Variants in SLC6A6 observed in about 807,000 individuals in gnomAD.
SLC6A6 encodes the protein sodium- and chloride-dependent taurine transporter.
In SLC6A6, 16 loss-of-function variants were observed where a neutral mutation model predicts 68.8. That is an observed-to-expected ratio of 0.23 (90% confidence interval 0.16 to 0.35). The LOEUF is 0.35. Among genes scored for constraint, SLC6A6 ranks in the 10% least tolerant of loss-of-function variants. SLC6A6 has a pLI of 1.00. For missense variants in SLC6A6, 474 were observed against 802.8 expected (o/e 0.59, Z 4.95); for synonymous variants, 312 against 315.4 (o/e 0.99, Z 0.12).
At chr3:14,403,680 A>G (rs1699040057) in intron 1 of SLC6A6, among the ~76,000 whole-genome samples, 1 of 152,236 alleles carries the variant, frequency 6.6e-6, no homozygotes, top group South Asian at 2.1e-4. Context: ...GGTAGTGGAC[A>G]GCCGGCAGGG....
intron 6 of SLC6A6, among the ~76,000 whole-genome samples, chr3:14,459,989 C>T (rs1213408768): frequency 2.0e-5 from 3 of 151,080 alleles, no homozygotes; most frequent in Non-Finnish European, 4.4e-5. Context: ...GGGCTCAAGC[C>T]ATCCTCAAAC....
intron 5 of SLC6A6, among the ~76,000 whole-genome samples, chr3:14,449,907 A>G (rs1418061417): frequency 6.6e-6 from 1 of 151,912 alleles, no homozygotes; most frequent in African/African-American, 2.4e-5. Context: ...ACACACCACT[A>G]TGTCCAGCTA....
Position 14,406,710 on chromosome 3 carries a change from G to A in SLC6A6, c.-54+3863G>A, listed in dbSNP as rs756296255. 3.4e-4 allele frequency among the ~76,000 whole-genome samples: 52 copies of A among 152,296 alleles called. 1 individual carries two copies. Among genetic ancestry groups the A allele is most frequent in the Admixed American group, 9.2e-4 (14 of 15,300 alleles). Reference sequence around the variant, plus strand: ...TCAGAGGCTTCATTTGGAAACCTGGGCAGAGGCTGATGCCAAGGGTGGGAG... The same window carrying A: ...TCAGAGGCTTCATTTGGAAACCTGGACAGAGGCTGATGCCAAGGGTGGGAG... On this transcript the variant is annotated intron_variant, in intron 1 of 14. Coordinates refer to ENST00000622186, the MANE Select transcript of SLC6A6 (RefSeq NM_003043.6).
At position 14,472,138 on chromosome 3, in the gene SLC6A6, G is replaced by A; in HGVS notation, c.1097-67G>A. The A allele has an allele frequency of 1.1e-6, 1 of 949,350 alleles. No individual in the cohort carries two copies. The highest frequency in any genetic ancestry group is 1.7e-6 in the Non-Finnish European group (1 of 581,860). 58.8% of individuals were successfully genotyped at this position (949,350 alleles called of 1,614,324 possible). Reference sequence around the variant, plus strand: ...TCTGAGTGTCTTTGTGTGAGCCCAGGGTTCCCAGTGGCTTGGTGGCTGATG... The same window carrying A: ...TCTGAGTGTCTTTGTGTGAGCCCAGAGTTCCCAGTGGCTTGGTGGCTGATG... On this transcript the variant is annotated intron_variant, in intron 9 of 14. Coordinates refer to ENST00000622186, the MANE Select transcript of SLC6A6 (RefSeq NM_003043.6). This position sits in a 1 kb window ranked among gnomAD's most constrained non-coding sequence, Gnocchi z 4.5.
chr3:14,420,136 A>G (rs1045036554), intron 2 of SLC6A6, among the ~76,000 whole-genome samples: 1 of 152,224 alleles, frequency 6.6e-6, no homozygotes, highest in African/African-American at 2.4e-5. Flanking sequence ...CTGGTTATAA[A>G]AGTCATACAT....
intron 6 of SLC6A6, among the ~76,000 whole-genome samples, chr3:14,459,530 G>A (rs1376083127): frequency 6.6e-6 from 1 of 152,100 alleles, no homozygotes; most frequent in Non-Finnish European, 1.5e-5. Context: ...GAAGCCAAGG[G>A]TGGAAGGGAA....
At chr3:14,431,229 T>C (rs975227953) in intron 2 of SLC6A6, among the ~76,000 whole-genome samples, 3 of 152,070 alleles carry the variant, frequency 2.0e-5, no homozygotes, top group African/African-American at 7.2e-5. Context: ...GCATCTGTCA[T>C]TGCAGTTTGC....
At chr3:14,470,142 A>G (rs2124984582) in intron 9 of SLC6A6, among the ~76,000 whole-genome samples, 1 of 152,328 alleles carries the variant, frequency 6.6e-6, no homozygotes, top group East Asian at 1.9e-4. Flanking sequence ...TGGGAGATAC[A>G]GATAGATACA....
intron 6 of SLC6A6, 107 bp downstream of exon 6, chr3:14,458,189 C>T: frequency 9.6e-6 from 10 of 1,039,612 alleles, no homozygotes; most frequent in Non-Finnish European, 1.5e-5. Context: ...GGGAGGTGGC[C>T]AGTGGTGGCG....
intron 2 of SLC6A6, among the ~76,000 whole-genome samples, chr3:14,430,896 CT>C (rs930947882): frequency 2.2e-4 from 33 of 152,184 alleles, no homozygotes; most frequent in African/African-American, 7.7e-4. Flanking sequence ...CACTGATCTG[CT>C]ATGTGGCCTG....
At chr3:14,462,301 G>A (rs552978257) in intron 6 of SLC6A6, among the ~76,000 whole-genome samples, 8 of 152,310 alleles carry the variant, frequency 5.3e-5, no homozygotes, top group African/African-American at 1.9e-4. Flanking sequence ...TGAGCTTAGA[G>A]GTTTATTTTG....
At chr3:14,478,686 C>A in intron 12 of SLC6A6, 118 bp downstream of exon 12, 1 of 723,878 alleles carries the variant, frequency 1.4e-6, no homozygotes. Flanking sequence ...AGTAGGCCCT[C>A]CCTACCTAGA....
In SLC6A6 at chr3:14,466,533, C is replaced by G; in HGVS notation, c.750C>G (p.Ala250=). The stretch of plus-strand genomic sequence containing the variant: ...CCTTGCAGGTCGTCTACTTCACAGC[C>G]ACTTTTCCATTCGCCATGCTCCTGG... ...RSTGKVVYFT[A]TFPFAMLLVL... is the part of the protein sequence containing the mutation. Residue 250 remains alanine, a synonymous_variant, in exon 7 of 15, where the codon GCC becomes GCG. Transcript: ENST00000622186. 6.2e-7 allele frequency: 1 copy of G among 1,612,248 alleles called. No homozygotes were observed. Among genetic ancestry groups the G allele is most frequent in the South Asian group, 1.1e-5 (1 of 90,970 alleles).
Position 14,485,051 on chromosome 3 carries a change from TA to T in SLC6A6, c.*46del. Reference sequence around the variant, plus strand: ...GGCCGGCGGCTTTCCTGCTGTTTACTAACATTAGATTCTCATAGGACCAGGT... The same window carrying T: ...GGCCGGCGGCTTTCCTGCTGTTTACTACATTAGATTCTCATAGGACCAGGT... On this transcript the variant is annotated 3_prime_UTR_variant, in exon 15 of 15. Coordinates refer to ENST00000622186, the MANE Select transcript of SLC6A6 (RefSeq NM_003043.6). 1 of 1,542,034 alleles carries T rather than the reference TA, an allele frequency of 6.5e-7. No homozygotes were observed. The highest frequency in any genetic ancestry group is 8.9e-7 in the Non-Finnish European group (1 of 1,129,058).
chr3:14,461,179 A>G (rs957050846), intron 6 of SLC6A6, among the ~76,000 whole-genome samples: 2 of 152,388 alleles, frequency 1.3e-5, no homozygotes, highest in African/African-American at 4.8e-5. Flanking sequence ...GCGAAAGCGC[A>G]GTAGCCTGTG....
intron 6 of SLC6A6, among the ~76,000 whole-genome samples, chr3:14,460,004 C>T (rs2124970112): frequency 6.6e-6 from 1 of 151,656 alleles, no homozygotes; most frequent in South Asian, 2.1e-4. Context: ...TCAAACCATC[C>T]TCCCACCTCA....
At chr3:14,426,625 A>G (rs138734074) in intron 2 of SLC6A6, among the ~76,000 whole-genome samples, 4 of 152,358 alleles carry the variant, frequency 2.6e-5, no homozygotes, top group South Asian at 2.1e-4. Context: ...AAACATTTCT[A>G]TTAGCTAGAA....
intron 6 of SLC6A6, among the ~76,000 whole-genome samples, chr3:14,461,601 C>T (rs570872909): frequency 5.3e-5 from 8 of 152,320 alleles, no homozygotes; most frequent in South Asian, 2.1e-4. Flanking sequence ...TGGGGCTCTT[C>T]GCTGTTGGCC....
At chr3:14,421,265 T>C (rs1300938601) in intron 2 of SLC6A6, among the ~76,000 whole-genome samples, 2 of 152,188 alleles carry the variant, frequency 1.3e-5, no homozygotes, top group Non-Finnish European at 2.9e-5. Flanking sequence ...CTCTGAGTAC[T>C]GGGCCAGACT....
Sources: allele counts gnomAD v4.1 joint callset (sites outside exome capture counted in the v4.1 genomes callset), GRCh38; gene constraint gnomAD v4.1.1; non-coding constraint Gnocchi (gnomAD v3.1); transcripts MANE v1.5; gene names NCBI Gene and HGNC (gene_info 2026-07-23, HGNC 2026-07-21).